Variants in PTK2 observed in about 807,000 individuals in gnomAD.
PTK2 encodes the protein protein tyrosine kinase 2, also known as focal adhesion kinase 1.
Under a neutral mutation model 150.1 loss-of-function variants are expected in PTK2, and 45 were observed. The observed-to-expected ratio is 0.30, with a 90% CI of 0.24 to 0.38. PTK2 has a LOEUF of 0.38. PTK2 is among the 10% of genes least tolerant of loss of function. The pLI is 1.00. For synonymous variants in PTK2, 432 were observed against 449.2 expected (o/e 0.96, Z 0.48); for missense variants, 919 against 1,307.3 (o/e 0.70, Z 4.58).
intron 31 of PTK2, among the ~76,000 whole-genome samples, chr8:140,664,148 T>C (rs1386628485): frequency 6.6e-6 from 1 of 152,160 alleles, no homozygotes; most frequent in Non-Finnish European, 1.5e-5. Flanking sequence ...CATGCCTAGC[T>C]ACTTTTTGTA....
intron 1 of PTK2, among the ~76,000 whole-genome samples, chr8:140,950,558 G>C (rs2100179240): frequency 6.6e-6 from 1 of 152,238 alleles, no homozygotes; most frequent in African/African-American, 2.4e-5. Flanking sequence ...GCCCTTGGCA[G>C]GTGTGGGATC....
At chr8:140,899,761 T>C (rs889012857) in intron 2 of PTK2, among the ~76,000 whole-genome samples, 1 of 152,162 alleles carries the variant, frequency 6.6e-6, no homozygotes, top group Non-Finnish European at 1.5e-5. Flanking sequence ...CATGATTAAG[T>C]AGGATTCATC....
At chr8:140,728,131 G>A (rs1332268577) in intron 22 of PTK2, among the ~76,000 whole-genome samples, 3 of 27,554 alleles carry the variant, frequency 1.1e-4, no homozygotes, top group Non-Finnish European at 2.2e-4. Flanking sequence ...GCAGGGAGGT[G>A]GTGGTTGCAG....
chr8:140,820,320 T>G (rs1270960700), intron 8 of PTK2, among the ~76,000 whole-genome samples: 1 of 151,372 alleles, frequency 6.6e-6, no homozygotes, highest in Non-Finnish European at 1.5e-5. Context: ...AGGCTGGTCT[T>G]GAACTCCTGA....
intron 26 of PTK2, among the ~76,000 whole-genome samples, chr8:140,695,903 T>C (rs980885474): frequency 3.3e-5 from 5 of 152,202 alleles, no homozygotes; most frequent in Admixed American, 6.5e-5. Context: ...CTGTGACTTT[T>C]ATGTATATTA....
At chr8:140,971,184 C>CTAA (rs1411357569) in intron 1 of PTK2, among the ~76,000 whole-genome samples, 3 of 152,116 alleles carry the variant, frequency 2.0e-5, no homozygotes, top group Non-Finnish European at 4.4e-5. Flanking sequence ...GTGGAATCTA[C>CTAA]TAAGATGCAT....
At chr8:140,909,366 A>C (rs1357049610) in intron 2 of PTK2, among the ~76,000 whole-genome samples, 1 of 152,228 alleles carries the variant, frequency 6.6e-6, no homozygotes, top group Non-Finnish European at 1.5e-5. Flanking sequence ...CATGAGTAAG[A>C]CCCTATAGAT....
intron 22 of PTK2, chr8:140,732,486 A>C: frequency 3.9e-6 from 2 of 506,398 alleles, no homozygotes; most frequent in Non-Finnish European, 8.0e-6. Context: ...ATATGTTCTA[A>C]GCCTTGAATT....
chr8:140,801,990 G>A (rs1484118066), intron 11 of PTK2, among the ~76,000 whole-genome samples: 2 of 151,660 alleles, frequency 1.3e-5, no homozygotes, highest in Non-Finnish European at 2.9e-5. Flanking sequence ...TAGCACATAC[G>A]ATTATGTACA....
chr8:140,847,596 G>GT (rs1269030294), intron 5 of PTK2, among the ~76,000 whole-genome samples: 1 of 152,116 alleles, frequency 6.6e-6, no homozygotes, highest in Non-Finnish European at 1.5e-5. Context: ...CTCTTCAGCA[G>GT]TACACCTGTG....
intron 2 of PTK2, among the ~76,000 whole-genome samples, chr8:140,895,845 T>C (rs2100155986): frequency 6.6e-6 from 1 of 152,066 alleles, no homozygotes; most frequent in Non-Finnish European, 1.5e-5. Context: ...AATATATATA[T>C]ACCTACTATG....
At chr8:140,936,942 T>G (rs992587531) in intron 1 of PTK2, among the ~76,000 whole-genome samples, 1 of 152,176 alleles carries the variant, frequency 6.6e-6, no homozygotes, top group South Asian at 2.1e-4. Flanking sequence ...GCTATTATAA[T>G]GACTACTGCT....
chr8:140,850,874 TG>T (rs1256439918), intron 5 of PTK2, among the ~76,000 whole-genome samples: 1 of 152,264 alleles, frequency 6.6e-6, no homozygotes, highest in Non-Finnish European at 1.5e-5. Context: ...GTTCACATTT[TG>T]TAACAGAAAA....
intron 2 of PTK2, among the ~76,000 whole-genome samples, chr8:140,914,034 T>C (rs1170647751): frequency 2.0e-5 from 3 of 152,168 alleles, no homozygotes; most frequent in Non-Finnish European, 4.4e-5. Flanking sequence ...CAAACTTCTA[T>C]AAAACACTTA....
intron 5 of PTK2, among the ~76,000 whole-genome samples, chr8:140,848,647 G>A (rs558508158): frequency 1.4e-4 from 21 of 152,206 alleles, no homozygotes; most frequent in Non-Finnish European, 2.2e-4. Flanking sequence ...AGAACTATTC[G>A]TTTAACTTCT....
intron 1 of PTK2, among the ~76,000 whole-genome samples, chr8:140,927,978 AT>A (rs2154608452): frequency 8.6e-5 from 7 of 81,302 alleles, no homozygotes; most frequent in Admixed American, 3.9e-4. Context: ...AAAAAAAAAT[AT>A]ATATATATAT....
intron 1 of PTK2, among the ~76,000 whole-genome samples, chr8:140,975,662 A>AT (rs2100189016): frequency 6.6e-6 from 1 of 152,044 alleles, no homozygotes. Context: ...CTGTATGTGT[A>AT]TATGCGACCC....
chr8:140,989,099 T>A (rs2100194551), intron 1 of PTK2, among the ~76,000 whole-genome samples: 1 of 149,026 alleles, frequency 6.7e-6, no homozygotes, highest in African/African-American at 2.5e-5. Context: ...CTTTTGAGGC[T>A]GGGCACAGCG....
intron 1 of PTK2, among the ~76,000 whole-genome samples, chr8:140,996,014 G>A (rs896926379): frequency 6.6e-6 from 1 of 152,106 alleles, no homozygotes; most frequent in Non-Finnish European, 1.5e-5. Context: ...CAACCCGTGA[G>A]GCGGAGGGTG....
Sources: gnomAD v4.1 joint callset for allele counts (sites outside exome capture counted in the v4.1 genomes callset) on GRCh38, gnomAD v4.1.1 for gene constraint, MANE v1.5 for transcripts, NCBI Gene and HGNC (gene_info 2026-07-23, HGNC 2026-07-21) for gene names.